Variants in SRL observed in about 807,000 individuals in gnomAD.
SRL encodes sarcalumenin.
SRL carries 23 observed loss-of-function variants against 39.5 expected under a neutral mutation model. The observed-to-expected ratio is 0.58, with a 90% CI of 0.42 to 0.82. The LOEUF (loss-of-function observed/expected upper bound fraction) is 0.82, where lower values mean the gene tolerates loss of function less well. SRL is among the 40% of genes least tolerant of loss of function. The probability of loss-of-function intolerance (pLI) is 0.00; values close to 1 mark genes in which losing one functional copy is unlikely to be tolerated. For synonymous variants in SRL, 272 were observed against 237.4 expected (o/e 1.15, Z -1.34); for missense variants, 592 against 607.8 (o/e 0.97, Z 0.27).
At chr16:4,240,120 G>A (rs2052756884) in intron 1 of SRL, among the ~76,000 whole-genome samples, 1 of 152,190 alleles carries the variant, frequency 6.6e-6, no homozygotes, top group Non-Finnish European at 1.5e-5. Flanking sequence ...AAGCTCTGTG[G>A]GGTCCCTGGC....
chr16:4,200,939 A>C (rs773308328), intron 3 of SRL, among the ~76,000 whole-genome samples: 3 of 152,182 alleles, frequency 2.0e-5, no homozygotes, highest in Non-Finnish European at 4.4e-5. Context: ...AAGATTTCTA[A>C]TCTCATTCAA....
rs1416183670 is a variant in SRL at position 4,190,920 on chromosome 16, A to T, written c.*1233T>A. 1 of 155,524 alleles carries T rather than the reference A, an allele frequency of 6.4e-6. No individual in the cohort carries two copies. Among genetic ancestry groups the T allele is most frequent in the East Asian group, 1.9e-4 (1 of 5,278 alleles). 9.6% of individuals were successfully genotyped at this position (155,524 alleles called of 1,614,324 possible). A position where few individuals can be genotyped will look rare whatever the true frequency, so the allele number is the denominator to read the frequency against. On this transcript the variant is annotated 3_prime_UTR_variant, in exon 6 of 6. Transcript: ENST00000399609. ...AAGTGTTTCCACAGGGGAGTTGTGG[A>T]AACAGCCTCCTCTGAAATTTGAGAG...
intron 1 of SRL, among the ~76,000 whole-genome samples, chr16:4,209,829 A>G (rs2052370976): frequency 6.6e-6 from 1 of 152,196 alleles, no homozygotes; most frequent in South Asian, 2.1e-4. Context: ...GAAAGTCCAG[A>G]GATCTTTGCC....
At chr16:4,193,563 C>CT (rs1358954037) in intron 5 of SRL, among the ~76,000 whole-genome samples, 1 of 152,144 alleles carries the variant, frequency 6.6e-6, no homozygotes, top group Non-Finnish European at 1.5e-5. Context: ...CCCTGGCGAG[C>CT]TGTATATTAA....
At chr16:4,219,173 G>A (rs1466323932) in intron 1 of SRL, among the ~76,000 whole-genome samples, 1 of 152,246 alleles carries the variant, frequency 6.6e-6, no homozygotes, top group African/African-American at 2.4e-5. Context: ...AGAGGAAAAA[G>A]GAGCTTGCCA....
intron 1 of SRL, among the ~76,000 whole-genome samples, chr16:4,224,105 T>C (rs773414549): frequency 2.0e-5 from 3 of 152,064 alleles, no homozygotes; most frequent in Non-Finnish European, 4.4e-5. Context: ...GGAACAGCCC[T>C]GGGACCCCGG....
intron 1 of SRL, chr16:4,206,961 G>T (rs904575716): frequency 4.4e-6 from 2 of 455,894 alleles, no homozygotes; most frequent in Non-Finnish European, 8.8e-6. Flanking sequence ...ACCTTCCTGG[G>T]GCTCCCCGCC....
intron 1 of SRL, among the ~76,000 whole-genome samples, chr16:4,236,258 A>G (rs2052712950): frequency 6.6e-6 from 1 of 151,748 alleles, no homozygotes; most frequent in African/African-American, 2.4e-5. Flanking sequence ...TTGGTCAGTG[A>G]CCTCCTGGTT....
chr16:4,228,150 G>C (rs963095407), intron 1 of SRL, among the ~76,000 whole-genome samples: 8 of 152,224 alleles, frequency 5.3e-5, no homozygotes, highest in African/African-American at 1.9e-4. Flanking sequence ...TTCTGAAAAG[G>C]CCTGAAGGCC....
chr16:4,192,289 T>C lies in SRL; in HGVS notation c.1286A>G (p.Glu429Gly). Reference protein sequence around the residue: ...QCSYMGGCFLEKIERAITQEL... With the variant: ...QCSYMGGCFLGKIERAITQEL... ...CTGAGTGATGGCCCGCTCAATCTTCTCCAGAAAGCAACCTCCCATGTAGGA... is the reference window on the plus strand; with the variant it reads ...CTGAGTGATGGCCCGCTCAATCTTCCCCAGAAAGCAACCTCCCATGTAGGA... Residue 429 changes from glutamate to glycine, a missense_variant, in exon 6 of 6, where the codon GAG becomes GGG. By Grantham distance (98) the Glu-to-Gly change is moderately conservative. Transcript: ENST00000399609. This position sits in a 1 kb window ranked among gnomAD's most constrained non-coding sequence, Gnocchi z 4.0. The C allele has an allele frequency of 1.7e-5, 27 of 1,614,104 alleles. No homozygotes were observed. The highest frequency in any genetic ancestry group is 2.3e-5 in the Non-Finnish European group (27 of 1,179,996).
chr16:4,228,620 A>G (rs1455382869), intron 1 of SRL, among the ~76,000 whole-genome samples: 3 of 152,006 alleles, frequency 2.0e-5, no homozygotes, highest in Non-Finnish European at 4.4e-5. Context: ...CTGTAGTCCC[A>G]GCTACTCGGG....
At chr16:4,239,961 C>T (rs2052755213) in intron 1 of SRL, among the ~76,000 whole-genome samples, 1 of 152,162 alleles carries the variant, frequency 6.6e-6, no homozygotes, top group Non-Finnish European at 1.5e-5. Flanking sequence ...CCTGGCTGCT[C>T]CTTCCCCGTC....
chr16:4,224,387 G>A (rs1381087146), intron 1 of SRL, among the ~76,000 whole-genome samples: 1 of 152,044 alleles, frequency 6.6e-6, no homozygotes, highest in Non-Finnish European at 1.5e-5. Context: ...GAGAGTACTA[G>A]AACGTACAAG....
intron 1 of SRL, among the ~76,000 whole-genome samples, chr16:4,221,921 C>T (rs896879743): frequency 6.6e-6 from 1 of 152,180 alleles, no homozygotes; most frequent in South Asian, 2.1e-4. Context: ...TTTCTCTTCC[C>T]ATAAGGACAC....
rs1382185292 is a variant in SRL, at chr16:4,201,713, T to C, written c.259+1453A>G. ...CTCTGTTACCCAGGCTGGAGTGCAG[T>C]GGCACAATCTCAGCTCACTGCAACC... On this transcript the variant is annotated intron_variant, in intron 3 of 5. Transcript: ENST00000399609. 1.5e-5 allele frequency among the ~76,000 whole-genome samples: 2 copies of C among 137,704 alleles called. 1 individual carries two copies. Among genetic ancestry groups the C allele is most frequent in the South Asian group, 4.3e-4 (2 of 4,658 alleles). 90.3% of individuals were successfully genotyped at this position (137,704 alleles called of 152,430 possible). A position where few individuals can be genotyped will look rare whatever the true frequency, so the allele number is the denominator to read the frequency against.
chr16:4,234,045 A>G (rs868513968), intron 1 of SRL, among the ~76,000 whole-genome samples: 3 of 152,068 alleles, frequency 2.0e-5, no homozygotes, highest in African/African-American at 4.8e-5. Context: ...CCCAGGCTAG[A>G]GTATAGTGGT....
At chr16:4,233,540 G>C (rs373632009) in intron 1 of SRL, among the ~76,000 whole-genome samples, 6 of 152,210 alleles carry the variant, frequency 3.9e-5, no homozygotes, top group South Asian at 2.1e-4. Context: ...ACTTCAACCA[G>C]AGTGAGCATA....
chr16:4,234,670 A>G (rs1054344349), intron 1 of SRL, among the ~76,000 whole-genome samples: 2 of 152,196 alleles, frequency 1.3e-5, no homozygotes, highest in African/African-American at 4.8e-5. Flanking sequence ...GTCACGTCCT[A>G]CTGAGGATAC....
At chr16:4,214,034 C>T (rs917314507) in intron 1 of SRL, among the ~76,000 whole-genome samples, 6 of 152,274 alleles carry the variant, frequency 3.9e-5, no homozygotes, top group East Asian at 3.9e-4. Context: ...GCTGGGTCAA[C>T]GTGTACCTGT....
Sources: allele counts gnomAD v4.1 joint callset (sites outside exome capture counted in the v4.1 genomes callset), GRCh38; gene constraint gnomAD v4.1.1; non-coding constraint Gnocchi (gnomAD v3.1); transcripts MANE v1.5; gene names NCBI Gene and HGNC (gene_info 2026-07-23, HGNC 2026-07-21).